The following DLG2 variants were observed in gnomAD, a reference collection of about 807,000 sequenced individuals.
The protein encoded by DLG2 is discs large MAGUK scaffold protein 2.
A neutral mutation model predicts 132.5 loss-of-function variants in DLG2; 45 were observed. That is an observed-to-expected ratio of 0.34 (90% CI 0.27 to 0.44). DLG2 has a LOEUF of 0.44. DLG2 is among the 20% of genes least tolerant of loss of function. DLG2 has a pLI of 1.00. For missense variants in DLG2, 1,045 were observed against 1,196.9 expected, an observed-to-expected ratio of 0.87 and a Z score of 1.87; for synonymous variants, 424 against 419.6, an observed-to-expected ratio of 1.01 and a Z score of -0.13.
intron 8 of DLG2, among the ~76,000 whole-genome samples, chr11:84,210,518 C>T (rs2096739278): frequency 9.9e-6 from 1 of 100,706 alleles, no homozygotes. Context: ...CACATGTACC[C>T]TAAAACTTAA....
chr11:84,676,583 C>T (rs989859205), intron 6 of DLG2, among the ~76,000 whole-genome samples: 40 of 151,966 alleles, frequency 2.6e-4, no homozygotes, highest in African/African-American at 9.7e-4. Flanking sequence ...ACATATAGAG[C>T]AGTTCTGCCA....
At chr11:85,060,619 G>A (rs2064002353) in intron 6 of DLG2, among the ~76,000 whole-genome samples, 1 of 151,558 alleles carries the variant, frequency 6.6e-6, no homozygotes, top group South Asian at 2.1e-4. Flanking sequence ...TAGATATTGT[G>A]AATAATGCTG....
chr11:83,787,312 G>T lies in DLG2; in HGVS notation c.1723-520C>A, dbSNP rs1310677940. Reference sequence around the variant, plus strand: ...GCCTGGTTAGACAGCCTTAAGCCTTGTTTTTTTTTTGTTTTTTTTTTTTTT... The same window carrying T: ...GCCTGGTTAGACAGCCTTAAGCCTTTTTTTTTTTTTGTTTTTTTTTTTTTT... On this transcript the variant is annotated intron_variant, in intron 17 of 27. Coordinates refer to ENST00000376104, the MANE Select transcript of DLG2 (RefSeq NM_001142699.3). Among the ~76,000 whole-genome samples the T allele has an allele frequency of 6.1e-3, 420 of 69,070 alleles. 2 individuals carry two copies. The highest frequency in any genetic ancestry group is 0.054 in the Middle Eastern group (4 of 74). The allele number at this position is 69,070 out of a possible 152,430, so 45.3% of individuals were successfully genotyped here.
At chr11:85,410,119 A>G (rs1017514950) in intron 3 of DLG2, among the ~76,000 whole-genome samples, 1 of 151,868 alleles carries the variant, frequency 6.6e-6, no homozygotes, top group African/African-American at 2.4e-5. Context: ...TGGACACATA[A>G]GACAAGAATA....
chr11:84,100,317 ATC>A (rs1310089247), intron 9 of DLG2, among the ~76,000 whole-genome samples: 1 of 141,856 alleles, frequency 7.0e-6, no homozygotes, highest in Non-Finnish European at 1.5e-5. Context: ...GGATATATAT[ATC>A]TCTCTCTCTA....
chr11:85,111,477 G>A (rs1195948197), intron 6 of DLG2, among the ~76,000 whole-genome samples, 184 bp downstream of exon 6: 3 of 152,030 alleles, frequency 2.0e-5, no homozygotes, highest in African/African-American at 7.2e-5. Flanking sequence ...CAAAATGCAT[G>A]GAATCCCTAA....
intron 19 of DLG2, among the ~76,000 whole-genome samples, chr11:83,596,908 G>A (rs2057685444): frequency 6.6e-6 from 1 of 151,744 alleles, no homozygotes; most frequent in African/African-American, 2.4e-5. Flanking sequence ...AAAATTAATT[G>A]TTCTCCTCTC....
chr11:84,177,043 T>G (rs1280821969), intron 8 of DLG2, among the ~76,000 whole-genome samples: 2 of 152,146 alleles, frequency 1.3e-5, no homozygotes, highest in African/African-American at 4.8e-5. Flanking sequence ...TCCTTTAATA[T>G]AGTAAACAAA....
At chr11:85,339,772 GA>G (rs1349951392) in intron 3 of DLG2, among the ~76,000 whole-genome samples, 1 of 152,104 alleles carries the variant, frequency 6.6e-6, no homozygotes, top group African/African-American at 2.4e-5. Context: ...AATCTACAAA[GA>G]ACTCAAACAA....
chr11:83,804,921 T>C (rs2045521589), intron 17 of DLG2, among the ~76,000 whole-genome samples: 2 of 152,124 alleles, frequency 1.3e-5, no homozygotes. Flanking sequence ...ATTACCTACA[T>C]TTTTCTTTAA....
intron 6 of DLG2, among the ~76,000 whole-genome samples, chr11:85,015,839 A>C (rs10501584): frequency 6.6e-6 from 1 of 152,146 alleles, no homozygotes; most frequent in Non-Finnish European, 1.5e-5. Context: ...ATAATCTTAA[A>C]TTCAAACTCT....
intron 11 of DLG2, among the ~76,000 whole-genome samples, chr11:84,030,003 CATATATCTGTATCT>C (rs1238741908): frequency 6.6e-6 from 1 of 152,128 alleles, no homozygotes; most frequent in Non-Finnish European, 1.5e-5. Flanking sequence ...CATACATACA[CATATATCTGTATCT>C]ATATATCTGT....
chr11:84,734,360 T>G (rs1189457489), intron 6 of DLG2, among the ~76,000 whole-genome samples: 1 of 152,174 alleles, frequency 6.6e-6, no homozygotes, highest in African/African-American at 2.4e-5. Flanking sequence ...TCACATCCCT[T>G]GTAAGTTGGA....
chr11:84,699,206 T>A (rs2058943384), intron 6 of DLG2, among the ~76,000 whole-genome samples: 1 of 151,396 alleles, frequency 6.6e-6, no homozygotes, highest in African/African-American at 2.4e-5. Flanking sequence ...TAAGGAAGAG[T>A]CAAAGAAACC....
At chr11:84,009,326 C>T (rs1314025949) in intron 11 of DLG2, among the ~76,000 whole-genome samples, 2 of 151,850 alleles carry the variant, frequency 1.3e-5, no homozygotes, top group Non-Finnish European at 2.9e-5. Flanking sequence ...AAAACCTATC[C>T]CCAAACCTAT....
At chr11:84,610,304 A>G (rs2099593098) in intron 6 of DLG2, among the ~76,000 whole-genome samples, 2 of 152,110 alleles carry the variant, frequency 1.3e-5, no homozygotes, top group African/African-American at 2.4e-5. Flanking sequence ...TAGTGAGCAT[A>G]TATTACTTTT....
At chr11:84,767,164 A>C (rs1254600973) in intron 6 of DLG2, among the ~76,000 whole-genome samples, 1 of 152,066 alleles carries the variant, frequency 6.6e-6, no homozygotes, top group Non-Finnish European at 1.5e-5. Context: ...TTTAGCACAA[A>C]GTGTAATAAT....
At chr11:83,908,024 A>C (rs1287363344) in intron 15 of DLG2, among the ~76,000 whole-genome samples, 1 of 152,276 alleles carries the variant, frequency 6.6e-6, no homozygotes, top group South Asian at 2.1e-4. Context: ...TTTATAAGCA[A>C]GTTTATTGGT....
At chr11:85,340,230 G>A (rs2082392847) in intron 3 of DLG2, among the ~76,000 whole-genome samples, 1 of 152,118 alleles carries the variant, frequency 6.6e-6, no homozygotes, top group South Asian at 2.1e-4. Context: ...CAAAGACTTG[G>A]AACCAACCCA....
Sources: gnomAD v4.1 joint callset for allele counts (sites outside exome capture counted in the v4.1 genomes callset) on GRCh38, gnomAD v4.1.1 for gene constraint, MANE v1.5 for transcripts, NCBI Gene and HGNC (gene_info 2026-07-23, HGNC 2026-07-21) for gene names.